The following TF variants were observed in gnomAD, a reference collection of about 807,000 sequenced individuals.
TF encodes the protein transferrin.
TF carries 55 observed loss-of-function variants against 82.4 expected under a neutral mutation model. That is an observed-to-expected ratio of 0.67 (90% confidence interval 0.54 to 0.84). TF has a LOEUF of 0.84. TF is among the 40% of genes least tolerant of loss of function. TF has a pLI of 0.00. For missense variants in TF, 737 were observed against 868.4 expected (o/e 0.85, Z 1.90); for synonymous variants, 332 against 332.6 (o/e 1.00, Z 0.02).
chr3:133,710,987 G>T, the TF span, among the ~76,000 whole-genome samples: 1 of 152,206 alleles, frequency 6.6e-6, no homozygotes, highest in East Asian at 1.9e-4. Context: ...CAGTTGGAAC[G>T]ATGTGCTTCT....
the TF span, among the ~76,000 whole-genome samples, chr3:133,687,499 T>A: frequency 6.6e-6 from 1 of 152,204 alleles, no homozygotes; most frequent in Non-Finnish European, 1.5e-5. Context: ...GGAAATGTTG[T>A]ACAACCATCA....
the TF span, among the ~76,000 whole-genome samples, chr3:133,720,943 T>G: frequency 6.6e-6 from 1 of 152,044 alleles, no homozygotes; most frequent in African/African-American, 2.4e-5. Flanking sequence ...AGTTATAATG[T>G]CTCCTCTTTC....
At chr3:133,712,088 C>T in the TF span, among the ~76,000 whole-genome samples, 1 of 152,150 alleles carries the variant, frequency 6.6e-6, no homozygotes, top group Non-Finnish European at 1.5e-5. Flanking sequence ...CTTCATGGAA[C>T]CCTATAATTT....
the TF span, among the ~76,000 whole-genome samples, chr3:133,684,934 A>T: frequency 6.6e-6 from 1 of 152,206 alleles, no homozygotes; most frequent in African/African-American, 2.4e-5. Context: ...TCCCTGATGA[A>T]CATCGATGCA....
the TF span, among the ~76,000 whole-genome samples, chr3:133,667,155 C>T: frequency 4.6e-5 from 7 of 151,794 alleles, no homozygotes; most frequent in East Asian, 1.9e-4. Flanking sequence ...CCAGCTTGGG[C>T]GACACAGCCA....
At chr3:133,669,566 C>T in the TF span, among the ~76,000 whole-genome samples, 1 of 152,016 alleles carries the variant, frequency 6.6e-6, no homozygotes, top group East Asian at 1.9e-4. Context: ...CACATCCGAG[C>T]TTGATCCAAG....
chr3:133,748,757 G>A (rs1933578853), intron 2 of TF, 173 bp downstream of exon 2: 8 of 849,502 alleles, frequency 9.4e-6, no homozygotes, highest in Non-Finnish European at 1.5e-5. Context: ...TAATGTGTCT[G>A]GAAAGCAAAA....
At chr3:133,726,715 G>A in the TF span, among the ~76,000 whole-genome samples, 1 of 152,064 alleles carries the variant, frequency 6.6e-6, no homozygotes, top group Non-Finnish European at 1.5e-5. Context: ...GAATGTGTTT[G>A]CTCTTGCATT....
At chr3:133,775,373 C>T (rs1282400205) in intron 14 of TF, 60 bp from the exon 15 acceptor site, 4 of 1,575,430 alleles carry the variant, frequency 2.5e-6, no homozygotes, top group Non-Finnish European at 3.5e-6. Context: ...TCAGTTCCAT[C>T]TCCCCAGCGG....
intron 14 of TF, chr3:133,774,191 G>A (rs1196554761): frequency 6.6e-6 from 1 of 152,026 alleles, no homozygotes; most frequent in Admixed American, 6.6e-5. Context: ...TGAGAACATA[G>A]TATCATAGAT....
chr3:133,671,492 AGGC>A, the TF span, among the ~76,000 whole-genome samples: 33 of 152,270 alleles, frequency 2.2e-4, 1 homozygote, highest in African/African-American at 6.0e-4. Context: ...AGAAAAAAAA[AGGC>A]AAGAGAGGCC....
chr3:133,708,423 A>G, the TF span, among the ~76,000 whole-genome samples: 1 of 152,150 alleles, frequency 6.6e-6, no homozygotes, highest in Non-Finnish European at 1.5e-5. Flanking sequence ...AGACATAGCT[A>G]GGGAGCAGTA....
chr3:133,718,769 A>G, the TF span, among the ~76,000 whole-genome samples: 1 of 152,204 alleles, frequency 6.6e-6, no homozygotes, highest in Non-Finnish European at 1.5e-5. Context: ...AGAGTAGAGA[A>G]AGGAAAGCAG....
At chr3:133,742,325 G>A (rs1933407829), upstream of TF, among the ~76,000 whole-genome samples, 1 of 151,986 alleles carries the variant, frequency 6.6e-6, no homozygotes, top group African/African-American at 2.4e-5. Context: ...ACCTGGCCCT[G>A]GACTATTCTT....
rs749152430 is a variant in TF, at chr3:133,777,090, T to C, written c.1914T>C (p.Phe638=). The change falls in exon 16 of 17, where the codon TTT becomes TTC. Residue 638 remains phenylalanine (F), a synonymous_variant. Transcript: ENST00000402696. ...ACGTAACTGACTGCTCGGGCAACTT[T>C]TGTTTGTTCCGGTCGGAAACCAAGG... ...GSNVTDCSGN[F]CLFRSETKDL... 5.0e-6 allele frequency: 8 copies of C among 1,614,220 alleles called. No homozygotes were observed. Among genetic ancestry groups the C allele is most frequent in the Non-Finnish European group, 6.8e-6 (8 of 1,180,034 alleles).
the TF span, among the ~76,000 whole-genome samples, chr3:133,739,811 A>G: frequency 1.3e-5 from 2 of 152,254 alleles, no homozygotes; most frequent in South Asian, 4.1e-4. Context: ...TAGAATGGCA[A>G]TCATTAAAAA....
intron 3 of TF, 139 bp downstream of exon 3, chr3:133,753,842 G>A: frequency 1.3e-6 from 1 of 766,072 alleles, no homozygotes; most frequent in Non-Finnish European, 2.3e-6. Flanking sequence ...GAGGGGCCCT[G>A]TCAGCTGCCA....
upstream of TF, among the ~76,000 whole-genome samples, chr3:133,744,312 C>A (rs1277977110): frequency 1.3e-5 from 2 of 152,196 alleles, no homozygotes; most frequent in African/African-American, 4.8e-5. Flanking sequence ...CCATGCCCTG[C>A]GTTGAGCTTC....
the TF span, among the ~76,000 whole-genome samples, chr3:133,682,613 T>A: frequency 1.3e-5 from 2 of 151,976 alleles, no homozygotes; most frequent in African/African-American, 2.4e-5. Context: ...GTATCAGTGA[T>A]TGAAGATCAA....
Sources: gnomAD v4.1 joint callset for allele counts (sites outside exome capture counted in the v4.1 genomes callset) on GRCh38, gnomAD v4.1.1 for gene constraint, MANE v1.5 for transcripts, NCBI Gene and HGNC (gene_info 2026-07-23, HGNC 2026-07-21) for gene names.